Variants in EFL1 observed in about 807,000 individuals in gnomAD.
EFL1 encodes the protein elongation factor like GTPase 1, also known as elongation factor-like GTPase 1.
EFL1 carries 76 observed loss-of-function variants against 126.7 expected under a neutral mutation model. The observed-to-expected ratio is 0.60, with a 90% CI of 0.50 to 0.73. EFL1 has a LOEUF of 0.73. Among genes scored for constraint, EFL1 ranks in the 30% least tolerant of loss-of-function variants. The pLI is 0.00. For missense variants in EFL1, 1,128 were observed against 1,343.2 expected, an observed-to-expected ratio of 0.84 and a Z score of 2.50; for synonymous variants, 410 against 448.4, an observed-to-expected ratio of 0.91 and a Z score of 1.08.
At chr15:82,203,462 G>A (rs762968928) in intron 15 of EFL1, among the ~76,000 whole-genome samples, 1 of 152,140 alleles carries the variant, frequency 6.6e-6, no homozygotes, top group Non-Finnish European at 1.5e-5. Flanking sequence ...TGCAACCTCT[G>A]CCTTCCGGGT....
chr15:82,146,047 A>T (rs573075100), intron 18 of EFL1, among the ~76,000 whole-genome samples: 25 of 152,208 alleles, frequency 1.6e-4, no homozygotes, highest in Admixed American at 7.2e-4. Context: ...TTAGAGGGAA[A>T]TTTCATGAGT....
Position 82,225,898 on chromosome 15 carries a change from T to A in EFL1, c.1193-634A>T, listed in dbSNP as rs575666480. 3.3e-5 allele frequency among the ~76,000 whole-genome samples: 5 copies of A among 152,300 alleles called. No individual in the cohort carries two copies. In the South Asian group the frequency reaches 6.2e-4, roughly 19 times the overall value. ...AAAAACATTGATTAATGAATTTTTTTAAAACAATTCCATCACCTCACGTTA... is the reference window on the plus strand; with the variant it reads ...AAAAACATTGATTAATGAATTTTTTAAAAACAATTCCATCACCTCACGTTA... On this transcript the variant is annotated intron_variant, in intron 11 of 19. Transcript: ENST00000268206.
chr15:82,249,776 G>T (rs1435375935), intron 4 of EFL1, among the ~76,000 whole-genome samples: 1 of 151,930 alleles, frequency 6.6e-6, no homozygotes, highest in Non-Finnish European at 1.5e-5. Flanking sequence ...AGATAATAGA[G>T]GTTCCATTTT....
At chr15:82,135,258 T>A (rs1595933754) in intron 19 of EFL1, among the ~76,000 whole-genome samples, 1 of 152,140 alleles carries the variant, frequency 6.6e-6, no homozygotes, top group East Asian at 1.9e-4. Flanking sequence ...GAAAGTAATA[T>A]TTTTTAAAAA....
In EFL1 at chr15:82,262,578, AG is replaced by A. The variant is rs139321867; in HGVS notation, c.-20+35del. 6.0e-3 allele frequency: 1,824 copies of A among 306,006 alleles called. 33 individuals are homozygous for A. Among genetic ancestry groups the A allele is most frequent in the African/African-American group, 0.038 (1,675 of 43,660 alleles). The allele number at this position is 306,006 out of a possible 1,614,324, so 19.0% of individuals were successfully genotyped here. A position where few individuals can be genotyped will look rare whatever the true frequency, so the allele number is the denominator to read the frequency against. On this transcript the variant is annotated intron_variant, in intron 1 of 19. Coordinates refer to ENST00000268206, the MANE Select transcript of EFL1 (RefSeq NM_024580.6). ...TCCGGCACCGCCCAAAGGCTGGCCT[AG>A]GAGGTTCCAGCCCCCAGCGCCAGCC... is the stretch of plus-strand genomic sequence containing the variant.
chr15:82,250,978 G>A lies in EFL1; in HGVS notation c.244+1713C>T, dbSNP rs1224808363. Among the ~76,000 whole-genome samples the A allele has an allele frequency of 2.6e-5, 4 of 152,140 alleles. No individual in the cohort carries two copies. In the East Asian group the frequency reaches 5.8e-4, roughly 22 times the overall value. Reference sequence around the variant, plus strand: ...TGTAATCCCAGCACTTTGGGACACCGAGGCGGGCGGATCACCTGCGGTCAG... The same window carrying A: ...TGTAATCCCAGCACTTTGGGACACCAAGGCGGGCGGATCACCTGCGGTCAG... On this transcript the variant is annotated intron_variant, in intron 4 of 19. Transcript: ENST00000268206.
intron 11 of EFL1, among the ~76,000 whole-genome samples, chr15:82,226,412 G>A (rs561995342): frequency 2.6e-5 from 4 of 152,258 alleles, no homozygotes; most frequent in Non-Finnish European, 4.4e-5. Context: ...GTTGAATTCT[G>A]TATTTCAAAG....
Position 82,151,989 on chromosome 15 carries a change from T to G in EFL1, c.2465A>C (p.Gln822Pro), listed in dbSNP as rs767388513. ...TGRRWRNIVD[Q>P]IWSFGPRKCG... ...TTTTCTTGGGCCAAATGACCAGATT[T>G]GGTCAACAATGTTCCTCCATCTTCT... The change falls in exon 18 of 20, where the codon CAA (glutamine) becomes CCA (proline). Residue 822 changes from glutamine (Q) to proline (P), a missense_variant. Gln to Pro is a moderately conservative substitution (Grantham distance 76, BLOSUM62 -1). Around this residue, in one of 6 missense-constraint regions of EFL1, gnomAD observed 561 missense variants for 641.7 expected, o/e 0.87. Transcript: ENST00000268206. The G allele has an allele frequency of 6.2e-7, 1 of 1,614,196 alleles. No individual in the cohort carries two copies. Among genetic ancestry groups the G allele is most frequent in the Non-Finnish European group, 8.5e-7 (1 of 1,180,034 alleles).
intron 19 of EFL1, among the ~76,000 whole-genome samples, chr15:82,134,370 G>GTT (rs1177314344): frequency 4.1e-5 from 6 of 144,992 alleles, no homozygotes; most frequent in Non-Finnish European, 7.8e-5. Flanking sequence ...AGAAAAAGGT[G>GTT]CTTTTTTTTT....
intron 19 of EFL1, among the ~76,000 whole-genome samples, chr15:82,134,340 G>A (rs1012578001): frequency 2.0e-4 from 30 of 152,184 alleles, no homozygotes; most frequent in African/African-American, 7.2e-4. Context: ...GCCACAGAGA[G>A]GGGCTTGATA....
At chr15:82,220,767 G>A (rs1053959157) in intron 12 of EFL1, among the ~76,000 whole-genome samples, 2 of 151,940 alleles carry the variant, frequency 1.3e-5, no homozygotes, top group Non-Finnish European at 2.9e-5. Flanking sequence ...TTTTCCATGG[G>A]GGTGAGAATG....
At chr15:82,200,442 A>G (rs746309927) in intron 15 of EFL1, among the ~76,000 whole-genome samples, 3 of 152,206 alleles carry the variant, frequency 2.0e-5, no homozygotes, top group Admixed American at 6.5e-5. Context: ...ACCGGCTCCA[A>G]GCAGCTTCTG....
chr15:82,200,907 G>A (rs1250815175), intron 15 of EFL1, among the ~76,000 whole-genome samples: 1 of 151,714 alleles, frequency 6.6e-6, no homozygotes, highest in Non-Finnish European at 1.5e-5. Context: ...TTTTAAGACA[G>A]TGTTCCACTC....
intron 3 of EFL1, among the ~76,000 whole-genome samples, chr15:82,256,636 T>C (rs2075069205): frequency 2.0e-5 from 3 of 152,144 alleles, no homozygotes; most frequent in Admixed American, 1.3e-4. Context: ...TTTATAAATA[T>C]CCCACATCAG....
At chr15:82,225,322 A>G in intron 11 of EFL1, 58 bp from the exon 12 acceptor site, 1 of 1,256,128 alleles carries the variant, frequency 8.0e-7, no homozygotes, top group Non-Finnish European at 1.1e-6. Context: ...AAAAAAAAAC[A>G]GATTTTTCTG....
At chr15:82,176,489 C>T (rs1185361514) in intron 15 of EFL1, among the ~76,000 whole-genome samples, 2 of 152,076 alleles carry the variant, frequency 1.3e-5, no homozygotes, top group African/African-American at 2.4e-5. Flanking sequence ...TAAATCAATA[C>T]AAAAAAGGCA....
In EFL1 at chr15:82,259,125, G is replaced by C; in HGVS notation, c.122C>G (p.Ser41Cys). Residue 41 changes from serine (S) to cysteine (C), a missense_variant, in exon 3 of 20, where the codon TCT becomes TGT. By Grantham distance (112) the Ser-to-Cys change is moderately radical. Transcript: ENST00000268206. ...GCGGCTGGAGATGATTCCATTGCTA[G>C]ATATAAGACAGTCAGCCAGAGTAGT... ...GKTTLADCLI[S>C]SNGIISSRLA... The C allele has an allele frequency of 6.2e-7, 1 of 1,614,026 alleles. No individual in the cohort carries two copies. The highest frequency in any genetic ancestry group is 8.5e-7 in the Non-Finnish European group (1 of 1,179,960).
intron 8 of EFL1, 144 bp downstream of exon 8, chr15:82,230,704 T>C (rs1595997836): frequency 1.1e-6 from 1 of 938,762 alleles, no homozygotes; most frequent in East Asian, 3.0e-5. Flanking sequence ...TTGTAAGCCT[T>C]TCCCAATTAT....
chr15:82,194,155 C>T (rs1214078071), intron 15 of EFL1, among the ~76,000 whole-genome samples: 1 of 152,140 alleles, frequency 6.6e-6, no homozygotes. Context: ...GTCAGTAGTG[C>T]CATTGGGCGG....
Sources: allele counts gnomAD v4.1 joint callset (sites outside exome capture counted in the v4.1 genomes callset), GRCh38; gene constraint gnomAD v4.1.1; regional missense constraint gnomAD v4.1.1; transcripts MANE v1.5; gene names NCBI Gene and HGNC (gene_info 2026-07-23, HGNC 2026-07-21).